Variants in CTLA4 observed in about 807,000 individuals in gnomAD.
CTLA4 encodes the protein cytotoxic T-lymphocyte protein 4.
CTLA4 carries 3 observed loss-of-function variants against 20.4 expected under a neutral mutation model. The observed-to-expected ratio is 0.15, with a 90% CI of 0.07 to 0.38. The LOEUF (loss-of-function observed/expected upper bound fraction) is 0.38. Ranked by LOEUF, CTLA4 falls within the 10% of genes least tolerant of loss-of-function variation. The probability of loss-of-function intolerance (pLI) is 1.00; values close to 1 mark genes in which losing one functional copy is unlikely to be tolerated. For missense variants in CTLA4, 184 were observed against 276.8 expected, an observed-to-expected ratio of 0.66 and a Z score of 2.38; for synonymous variants, 100 against 105.2, an observed-to-expected ratio of 0.95 and a Z score of 0.30.
At position 203,873,612 on chromosome 2, in the gene CTLA4, GGT is replaced by G. The variant is rs1487079713; in HGVS notation, c.*803_*804del. 1.8e-5 allele frequency: 4 copies of G among 216,636 alleles called. No homozygotes were observed. In the East Asian group the frequency reaches 2.1e-4, roughly 11 times the overall value. The allele number at this position is 216,636 out of a possible 1,614,324, so 13.4% of individuals were successfully genotyped here. A position where few individuals can be genotyped will look rare whatever the true frequency, so the allele number is the denominator to read the frequency against. On this transcript the variant is annotated 3_prime_UTR_variant, in exon 4 of 4. Transcript: ENST00000648405. ...TGATTGCGTGGAATTGTGCTGAGTTGGTGTTGACATGTGCTTTGGGGCTTTTA... is the reference window on the plus strand; with the variant it reads ...TGATTGCGTGGAATTGTGCTGAGTTGGTTGACATGTGCTTTGGGGCTTTTA...
At chr2:203,869,003 A>T (rs190363127) in intron 1 of CTLA4, among the ~76,000 whole-genome samples, 1 of 152,356 alleles carries the variant, frequency 6.6e-6, no homozygotes, top group Admixed American at 6.5e-5. Flanking sequence ...AAACACTCTT[A>T]GAAGTATTTA....
chr2:203,873,327 CATAT>C lies in CTLA4; in HGVS notation c.*568_*571del, dbSNP rs60872763. 2.4e-3 allele frequency: 430 copies of C among 182,306 alleles called. No individual in the cohort carries two copies. The highest frequency in any genetic ancestry group is 4.6e-3 in the African/African-American group (140 of 30,522). 11.3% of individuals were successfully genotyped at this position (182,306 alleles called of 1,614,324 possible). On this transcript the variant is annotated 3_prime_UTR_variant, in exon 4 of 4. Transcript: ENST00000648405. The stretch of plus-strand genomic sequence containing the variant: ...TGCTAAAGGTTGTATTGCATATATA[CATAT>C]ATATATATATATATATATATATATA...
chr2:203,872,610 A>G, intron 3 of CTLA4, 98 bp from the exon 4 acceptor site: 1 of 653,356 alleles, frequency 1.5e-6, no homozygotes, highest in Admixed American at 2.5e-5. Context: ...ATTCATTTTT[A>G]ACCAGCTAGG....
chr2:203,868,124 C>G (rs1283303555), intron 1 of CTLA4, 73 bp downstream of exon 1: 3 of 1,200,176 alleles, frequency 2.5e-6, no homozygotes, highest in Non-Finnish European at 3.7e-6. Flanking sequence ...TTTCAGCAGT[C>G]AAAGGCAGTG....
rs1180529456 is a variant in CTLA4, at chr2:203,872,817, C to G, written c.*5C>G. 1 of 1,565,604 alleles carries G rather than the reference C, an allele frequency of 6.4e-7. No individual in the cohort carries two copies. Among genetic ancestry groups the G allele is most frequent in the Admixed American group, 1.7e-5 (1 of 59,922 alleles). Reference sequence around the variant, plus strand: ...TATTTTATTCCCATCAATTGAGAAACCATTATGAAGAAGAGAGTCCATATT... The same window carrying G: ...TATTTTATTCCCATCAATTGAGAAAGCATTATGAAGAAGAGAGTCCATATT... On this transcript the variant is annotated 3_prime_UTR_variant, in exon 4 of 4. Transcript: ENST00000648405.
chr2:203,871,289 T>G (rs2105775865), intron 2 of CTLA4, 89 bp from the exon 3 acceptor site: 1 of 1,165,462 alleles, frequency 8.6e-7, no homozygotes, highest in East Asian at 2.3e-5. Flanking sequence ...GCCTGGAAGC[T>G]CTAATGTCCT....
At position 203,870,218 on chromosome 2, in the gene CTLA4, A is replaced by G. The variant is rs1688703397; in HGVS notation, c.110-368A>G. 1 of 285,260 alleles carries G rather than the reference A, an allele frequency of 3.5e-6. No homozygotes were observed. The highest frequency in any genetic ancestry group is 4.7e-5 in the South Asian group (1 of 21,306). 17.7% of individuals were successfully genotyped at this position (285,260 alleles called of 1,614,324 possible). On this transcript the variant is annotated intron_variant, in intron 1 of 3. Coordinates refer to ENST00000648405, the MANE Select transcript of CTLA4 (RefSeq NM_005214.5). The surrounding 1 kb of genome is among the most constrained non-coding windows in gnomAD (Gnocchi z 5.3). ...ACCTTAGAATACCAGAGAACATATC[A>G]TCTCATCTAATTATCTCTTACTATA...
chr2:203,872,234 C>G (rs1385233005), intron 3 of CTLA4, among the ~76,000 whole-genome samples: 1 of 152,208 alleles, frequency 6.6e-6, no homozygotes, highest in East Asian at 1.9e-4. Flanking sequence ...CTCTCTCTCT[C>G]TTTCTCCCTC....
In CTLA4 at chr2:203,870,363, A is replaced by G. The variant is rs983893214; in HGVS notation, c.110-223A>G. The G allele has an allele frequency of 3.1e-5, 18 of 575,376 alleles. No individual in the cohort carries two copies. The East Asian group carries it at 5.1e-4, about 16-fold the overall frequency. The allele number at this position is 575,376 out of a possible 1,614,324, so 35.6% of individuals were successfully genotyped here. On this transcript the variant is annotated intron_variant, in intron 1 of 3. Coordinates refer to ENST00000648405, the MANE Select transcript of CTLA4 (RefSeq NM_005214.5). This position sits in a 1 kb window ranked among gnomAD's most constrained non-coding sequence, Gnocchi z 5.3. ...CTTCCTGCCACAACCATCTTGAAGA[A>G]TCTATTTCTCAGTAAGAAAATATCT...
rs1362143301 is a variant in CTLA4, at chr2:203,873,727, T to C, written c.*915T>C. ...AGAACACTGTCTTGAAGACAATGGC[T>C]TACTCCAGGAGACCCACAGGTATGA... is the stretch of plus-strand genomic sequence containing the variant. On this transcript the variant is annotated 3_prime_UTR_variant, in exon 4 of 4. Transcript: ENST00000648405. 1 of 223,444 alleles carries C rather than the reference T, an allele frequency of 4.5e-6. No individual in the cohort carries two copies. Among genetic ancestry groups the C allele is most frequent in the Non-Finnish European group, 8.9e-6 (1 of 111,748 alleles). The allele number at this position is 223,444 out of a possible 1,614,324, so 13.8% of individuals were successfully genotyped here.
At position 203,869,326 on chromosome 2, in the gene CTLA4, G is replaced by A. The variant is rs35219727; in HGVS notation, c.110-1260G>A. On this transcript the variant is annotated intron_variant, in intron 1 of 3. Coordinates refer to ENST00000648405, the MANE Select transcript of CTLA4 (RefSeq NM_005214.5). ...ATGGAGTTATCACAGTGCTAAGGATGCTCAGAGGGCATCTCTGATAGGCAG... is the reference window on the plus strand; with the variant it reads ...ATGGAGTTATCACAGTGCTAAGGATACTCAGAGGGCATCTCTGATAGGCAG... 1.4e-3 allele frequency among the ~76,000 whole-genome samples: 211 copies of A among 152,324 alleles called. 5 individuals are homozygous for A. In the East Asian group the frequency reaches 0.023, roughly 17 times the overall value.
In CTLA4 at chr2:203,870,920, G is replaced by T; in HGVS notation, c.444G>T (p.Gln148His). Residue 148 changes from glutamine (Q) to histidine (H), a missense_variant, in exon 2 of 4, where the codon CAG becomes CAT. Gln to His is a conservative substitution (Grantham distance 24). This residue lies in a region of CTLA4 where 147 missense variants were observed against 223.4 expected (regional missense o/e 0.66). Coordinates refer to ENST00000648405, the MANE Select transcript of CTLA4 (RefSeq NM_005214.5). This position sits in a 1 kb window ranked among gnomAD's most constrained non-coding sequence, Gnocchi z 5.3. The stretch of plus-strand genomic sequence containing the variant: ...ACCTGGGCATAGGCAACGGAACCCA[G>T]ATTTATGTAATTGGTGAGCAAAGCC... ...PYYLGIGNGTQIYVIDPEPCP... is the reference protein window; with the variant it reads ...PYYLGIGNGTHIYVIDPEPCP... 6.2e-7 allele frequency: 1 copy of T among 1,612,608 alleles called. No individual in the cohort carries two copies. Among genetic ancestry groups the T allele is most frequent in the Non-Finnish European group, 8.5e-7 (1 of 1,178,756 alleles).
In CTLA4 at chr2:203,867,984, C is replaced by T. The variant is rs376591332; in HGVS notation, c.42C>T (p.Asn14=). Residue 14 remains asparagine, a synonymous_variant, in exon 1 of 4, where the codon AAC becomes AAT. Coordinates refer to ENST00000648405, the MANE Select transcript of CTLA4 (RefSeq NM_005214.5). ...LGFQRHKAQL[N]LATRTWPCTL... ...TTCAGCGGCACAAGGCTCAGCTGAA[C>T]CTGGCTACCAGGACCTGGCCCTGCA... The T allele has an allele frequency of 6.2e-7, 1 of 1,614,044 alleles. No individual in the cohort carries two copies. Among genetic ancestry groups the T allele is most frequent in the Non-Finnish European group, 8.5e-7 (1 of 1,180,004 alleles).
At chr2:203,869,866 G>A (rs1048095615) in intron 1 of CTLA4, among the ~76,000 whole-genome samples, 4 of 152,296 alleles carry the variant, frequency 2.6e-5, no homozygotes, top group South Asian at 2.1e-4. Context: ...GAGAGGCAGC[G>A]GTGGTGTCAG....
In CTLA4 at chr2:203,872,703, G is replaced by A. The variant is rs1429943494; in HGVS notation, c.568-5G>A. 1 of 1,583,076 alleles carries A rather than the reference G, an allele frequency of 6.3e-7. No homozygotes were observed. Among genetic ancestry groups the A allele is most frequent in the South Asian group, 1.1e-5 (1 of 90,314 alleles). On this transcript the variant is annotated splice_region_variant and splice_polypyrimidine_tract_variant and intron_variant, in intron 3 of 3. Transcript: ENST00000648405. ...GTAATTACTGTTTCTTTTTGTGTTTGACAGCTAAAGAAAAGAAGCCCTCTT... is the reference window on the plus strand; with the variant it reads ...GTAATTACTGTTTCTTTTTGTGTTTAACAGCTAAAGAAAAGAAGCCCTCTT...
chr2:203,871,348 A>G (rs777271094), intron 2 of CTLA4, 30 bp from the exon 3 acceptor site: 1 of 1,576,374 alleles, frequency 6.3e-7, no homozygotes, highest in East Asian at 2.2e-5. Context: ...AAACTGTCTC[A>G]GGGAGGCTCT....
intron 2 of CTLA4, 92 bp downstream of exon 2, chr2:203,871,025 C>A: frequency 9.8e-7 from 1 of 1,020,184 alleles, no homozygotes; most frequent in Non-Finnish European, 1.4e-6. Context: ...AGGAGGTTTA[C>A]TTTTAGGACT....
chr2:203,871,415 G>T lies in CTLA4; in HGVS notation c.495G>T (p.Trp165Cys). 1 of 1,614,130 alleles carries T rather than the reference G, an allele frequency of 6.2e-7. No homozygotes were observed. The highest frequency in any genetic ancestry group is 8.5e-7 in the Non-Finnish European group (1 of 1,180,024). The change falls in exon 3 of 4, where the codon TGG (tryptophan) becomes TGT (cysteine). Residue 165 changes from tryptophan (W) to cysteine (C), a missense_variant. Physicochemically the swap from Trp to Cys is radical, Grantham distance 215. This residue lies in a region of CTLA4 where 147 missense variants were observed against 223.4 expected (regional missense o/e 0.66). Coordinates refer to ENST00000648405, the MANE Select transcript of CTLA4 (RefSeq NM_005214.5). ...GCCCAGATTCTGACTTCCTCCTCTG[G>T]ATCCTTGCAGCAGTTAGTTCGGGGT... ...EPCPDSDFLLWILAAVSSGLF... is the reference protein window; with the variant it reads ...EPCPDSDFLLCILAAVSSGLF...
rs1448459366 is a variant in CTLA4, at chr2:203,870,535, G to A, written c.110-51G>A. ...AGGCAGAAGGGCTTGCCTGGGCTTGGCCATGAAGGAGCATGAGTTCACTGA... is the reference window on the plus strand; with the variant it reads ...AGGCAGAAGGGCTTGCCTGGGCTTGACCATGAAGGAGCATGAGTTCACTGA... On this transcript the variant is annotated intron_variant, in intron 1 of 3. Transcript: ENST00000648405. This position sits in a 1 kb window ranked among gnomAD's most constrained non-coding sequence, Gnocchi z 5.3. 9.5e-6 allele frequency: 15 copies of A among 1,584,672 alleles called. No homozygotes were observed. In the South Asian group the frequency reaches 1.5e-4, roughly 16 times the overall value.
Sources: allele counts gnomAD v4.1 joint callset (sites outside exome capture counted in the v4.1 genomes callset), GRCh38; gene constraint gnomAD v4.1.1; regional missense constraint gnomAD v4.1.1; non-coding constraint Gnocchi (gnomAD v3.1); transcripts MANE v1.5; gene names NCBI Gene and HGNC (gene_info 2026-07-23, HGNC 2026-07-21).